GPC6: variants seen among roughly 807,000 people sequenced by gnomAD.
The protein encoded by GPC6 is glypican-6.
In GPC6, 14 loss-of-function variants were observed where a neutral mutation model predicts 55.2. The observed-to-expected ratio is 0.25, with a 90% CI of 0.17 to 0.40. The LOEUF is 0.40. Among genes scored for constraint, GPC6 ranks in the 10% least tolerant of loss-of-function variants. The probability of loss-of-function intolerance (pLI) is 1.00; values close to 1 mark genes in which losing one functional copy is unlikely to be tolerated. For synonymous variants in GPC6, 278 were observed against 259.6 expected, an observed-to-expected ratio of 1.07 and a Z score of -0.68; for missense variants, 641 against 708.5, an observed-to-expected ratio of 0.90 and a Z score of 1.08.
intron 3 of GPC6, among the ~76,000 whole-genome samples, chr13:93,970,537 C>T (rs977389816): frequency 6.6e-5 from 10 of 152,174 alleles, no homozygotes; most frequent in East Asian, 1.9e-4. Context: ...TCAGCTGGGC[C>T]GGAAGACCCT....
Position 94,019,436 on chromosome 13 carries a change from C to T in GPC6, c.712-8293C>T, listed in dbSNP as rs76521421. 1.4e-3 allele frequency among the ~76,000 whole-genome samples: 220 copies of T among 152,212 alleles called. 9 individuals carry two copies. In the East Asian group the frequency reaches 0.038, roughly 26 times the overall value. On this transcript the variant is annotated intron_variant, in intron 3 of 8. Transcript: ENST00000377047. ...AGTCTGAAATCAGATTGTCAGAAGCCAAGAAGTCGGAACTCAGGTTGTCAG... is the reference window on the plus strand; with the variant it reads ...AGTCTGAAATCAGATTGTCAGAAGCTAAGAAGTCGGAACTCAGGTTGTCAG...
At chr13:94,312,695 CGAA>C (rs1876307975) in intron 6 of GPC6, among the ~76,000 whole-genome samples, 1 of 149,528 alleles carries the variant, frequency 6.7e-6, no homozygotes, top group Non-Finnish European at 1.5e-5. Context: ...CAGACACACA[CGAA>C]GACACACACG....
chr13:93,509,021 G>C (rs2139381714), intron 1 of GPC6, among the ~76,000 whole-genome samples: 1 of 152,310 alleles, frequency 6.6e-6, no homozygotes, highest in East Asian at 1.9e-4. Context: ...GGAAGATGGA[G>C]GGTGATTGAT....
chr13:94,377,879 A>G (rs1879961270), intron 6 of GPC6, among the ~76,000 whole-genome samples: 2 of 152,332 alleles, frequency 1.3e-5, no homozygotes, highest in East Asian at 3.9e-4. Context: ...AAAAATGATG[A>G]GTTCATGTCC....
intron 1 of GPC6, among the ~76,000 whole-genome samples, chr13:93,332,959 T>C (rs1390331625): frequency 6.6e-6 from 1 of 152,186 alleles, no homozygotes; most frequent in Non-Finnish European, 1.5e-5. Flanking sequence ...GAAAAGACTG[T>C]TGTTACCTCA....
intron 4 of GPC6, among the ~76,000 whole-genome samples, chr13:94,044,154 C>T (rs1883639946): frequency 6.6e-6 from 1 of 151,872 alleles, no homozygotes; most frequent in Non-Finnish European, 1.5e-5. Flanking sequence ...TTGCCACCCA[C>T]TCTTTGCAGG....
intron 3 of GPC6, among the ~76,000 whole-genome samples, chr13:94,027,488 A>G (rs1033768765): frequency 2.0e-5 from 3 of 152,082 alleles, no homozygotes; most frequent in African/African-American, 7.2e-5. Context: ...TGGCAATGAA[A>G]CAGTGTCTAG....
intron 3 of GPC6, among the ~76,000 whole-genome samples, chr13:93,881,043 T>G (rs1874936510): frequency 6.6e-6 from 1 of 152,088 alleles, no homozygotes; most frequent in African/African-American, 2.4e-5. Context: ...TCCTTCCTGC[T>G]ATTTTGCTGC....
intron 2 of GPC6, among the ~76,000 whole-genome samples, chr13:93,765,247 A>G (rs1434554705): frequency 2.6e-5 from 2 of 78,382 alleles, no homozygotes; most frequent in Admixed American, 1.2e-4. Context: ...TGGAAAGACA[A>G]CTTTCCAGAT....
At chr13:94,160,323 G>T (rs567134256) in intron 4 of GPC6, among the ~76,000 whole-genome samples, 13 of 152,312 alleles carry the variant, frequency 8.5e-5, no homozygotes, top group African/African-American at 2.6e-4. Flanking sequence ...CAAGGGTCTT[G>T]CAATGTATAT....
intron 5 of GPC6, among the ~76,000 whole-genome samples, chr13:94,293,014 A>G (rs1594139117): frequency 6.6e-6 from 1 of 152,180 alleles, no homozygotes; most frequent in East Asian, 1.9e-4. Context: ...CTGCATTTGT[A>G]TACTTTTTGT....
chr13:93,559,781 G>T (rs1875667386), intron 2 of GPC6, among the ~76,000 whole-genome samples: 1 of 152,168 alleles, frequency 6.6e-6, no homozygotes, highest in South Asian at 2.1e-4. Context: ...TATTAAGAAT[G>T]GAGTGAATAC....
chr13:94,178,080 G>A lies in GPC6; in HGVS notation c.878-108269G>A, dbSNP rs570047158. 8.6e-3 allele frequency among the ~76,000 whole-genome samples: 1,258 copies of A among 146,380 alleles called. 12 individuals are homozygous for A. Among genetic ancestry groups the A allele is most frequent in the Non-Finnish European group, 0.013 (881 of 67,272 alleles). ...GTCGCCCAGGCTGGAGTGCAGTGGT[G>A]CGATCTCAACTCACTGCAACCTCCG... On this transcript the variant is annotated intron_variant, in intron 4 of 8. Coordinates refer to ENST00000377047, the MANE Select transcript of GPC6 (RefSeq NM_005708.5).
chr13:93,372,256 A>G (rs1333602841), intron 1 of GPC6, among the ~76,000 whole-genome samples: 1 of 152,162 alleles, frequency 6.6e-6, no homozygotes, highest in Non-Finnish European at 1.5e-5. Flanking sequence ...AGTTTCAGAT[A>G]TCTTAAGAGA....
chr13:94,311,205 C>T, intron 6 of GPC6, among the ~76,000 whole-genome samples: 1 of 151,838 alleles, frequency 6.6e-6, no homozygotes, highest in Non-Finnish European at 1.5e-5. Flanking sequence ...AATACCATTG[C>T]ATGCTAATAA....
At chr13:94,238,324 C>G (rs1420301679) in intron 4 of GPC6, among the ~76,000 whole-genome samples, 1 of 152,034 alleles carries the variant, frequency 6.6e-6, no homozygotes, top group Non-Finnish European at 1.5e-5. Context: ...CTCAGAGAGC[C>G]TATAGCTAGA....
chr13:93,938,151 A>T (rs1878535454), intron 3 of GPC6, among the ~76,000 whole-genome samples: 1 of 152,160 alleles, frequency 6.6e-6, no homozygotes, highest in African/African-American at 2.4e-5. Flanking sequence ...TAATACCTTT[A>T]AAAAATTAGT....
At chr13:94,131,526 A>T (rs1887000624) in intron 4 of GPC6, among the ~76,000 whole-genome samples, 1 of 152,200 alleles carries the variant, frequency 6.6e-6, no homozygotes, top group South Asian at 2.1e-4. Flanking sequence ...AATTTGAGAA[A>T]TGATGGTCTT....
chr13:94,326,205 G>GCGCA lies in GPC6; in HGVS notation c.1152+20083_1152+20084insGCAC, dbSNP rs149742538. The stretch of plus-strand genomic sequence containing the variant: ...GATCAGGTATTTTTGGTATGCTTGT[G>GCGCA]CACACACACACACACACACACACAC... On this transcript the variant is annotated intron_variant, in intron 6 of 8. Transcript: ENST00000377047. 9.5e-5 allele frequency among the ~76,000 whole-genome samples: 14 copies of GCGCA among 147,894 alleles called. No individual in the cohort carries two copies. The South Asian group carries it at 1.5e-3, about 16-fold the overall frequency.
Sources: allele counts gnomAD v4.1 joint callset (sites outside exome capture counted in the v4.1 genomes callset), GRCh38; gene constraint gnomAD v4.1.1; transcripts MANE v1.5; gene names NCBI Gene and HGNC (gene_info 2026-07-23, HGNC 2026-07-21).